The following ENPP2 variants were observed in gnomAD, a reference collection of about 807,000 sequenced individuals.
ENPP2 encodes ectonucleotide pyrophosphatase/phosphodiesterase 2.
ENPP2 carries 51 observed loss-of-function variants against 120.2 expected under a neutral mutation model. That is an observed-to-expected ratio of 0.42 (90% CI 0.34 to 0.54). The LOEUF (loss-of-function observed/expected upper bound fraction) is 0.54, where lower values mean the gene tolerates loss of function less well. ENPP2 is among the 20% of genes least tolerant of loss of function. ENPP2 has a pLI of 0.04. For synonymous variants in ENPP2, 365 were observed against 366.4 expected, an observed-to-expected ratio of 1.00 and a Z score of 0.04; for missense variants, 920 against 1,066.5, an observed-to-expected ratio of 0.86 and a Z score of 1.91.
intron 19 of ENPP2, among the ~76,000 whole-genome samples, chr8:119,576,963 C>A (rs1019723593): frequency 2.0e-5 from 3 of 152,144 alleles, no homozygotes; most frequent in Admixed American, 2.0e-4. Context: ...ATATTTATAG[C>A]AAAATATTGC....
chr8:119,592,621 T>G (rs1813602634), intron 12 of ENPP2, among the ~76,000 whole-genome samples: 1 of 135,744 alleles, frequency 7.4e-6, no homozygotes, highest in African/African-American at 2.9e-5. Flanking sequence ...CACATATCAT[T>G]GGGACCCTTC....
rs1274999175 is a variant in ENPP2, at chr8:119,583,889, C to G, written c.1455+73G>C. 3 of 1,373,590 alleles carry G rather than the reference C, an allele frequency of 2.2e-6. No individual in the cohort carries two copies. In the Admixed American group the frequency reaches 5.1e-5, roughly 23 times the overall value. 85.1% of individuals were successfully genotyped at this position (1,373,590 alleles called of 1,614,324 possible). A position where few individuals can be genotyped will look rare whatever the true frequency, so the allele number is the denominator to read the frequency against. On this transcript the variant is annotated intron_variant, in intron 16 of 24. Coordinates refer to ENST00000075322, the MANE Select transcript of ENPP2 (RefSeq NM_001040092.3). ...TATTTATGAATACTGTACAACTTCA[C>G]TCACACCACCATTACTTATCCTTTC...
At chr8:119,651,372 GACATTT>G (rs1817621401) in intron 1 of ENPP2, among the ~76,000 whole-genome samples, 1 of 152,184 alleles carries the variant, frequency 6.6e-6, no homozygotes, top group South Asian at 2.1e-4. Context: ...ACCTACTGGG[GACATTT>G]ACATAGTGCA....
intron 19 of ENPP2, among the ~76,000 whole-genome samples, chr8:119,574,715 C>G (rs564531313): frequency 2.0e-4 from 30 of 152,118 alleles, no homozygotes; most frequent in Admixed American, 1.4e-3. Flanking sequence ...GAAAATCTCT[C>G]CTCTTTTTTG....
At chr8:119,572,743 T>G (rs7012314) in intron 19 of ENPP2, 19,721 of 156,684 alleles carry the variant, frequency 0.13, 1,369 homozygotes, top group South Asian at 0.18. Flanking sequence ...ATGGAGGTAC[T>G]GGGCAAAGAT....
intron 1 of ENPP2, among the ~76,000 whole-genome samples, chr8:119,673,091 T>G (rs563838452): frequency 6.6e-6 from 1 of 152,224 alleles, no homozygotes; most frequent in Non-Finnish European, 1.5e-5. Context: ...TTTGCGCGCC[T>G]GCAAATTGCT....
rs369796903 is a variant in ENPP2, at chr8:119,593,785, G to A, written c.1048C>T (p.Arg350Trp). 3.8e-5 allele frequency: 62 copies of A among 1,612,140 alleles called. No individual in the cohort carries two copies. The highest frequency in any genetic ancestry group is 1.8e-4 in the South Asian group (16 of 91,036). The change falls in exon 12 of 25, where the codon CGG becomes TGG. Residue 350 changes from arginine to tryptophan, a missense_variant. Transcript: ENST00000075322. ...CCGACAAAGATGACGTTGACACACC[G>A]ATGCAGTTTTAGTTGTTTCAGTCCA... ...MDGLKQLKLH[R>W]CVNVIFVGDH...
intron 1 of ENPP2, among the ~76,000 whole-genome samples, chr8:119,645,320 C>A (rs1817411001): frequency 1.3e-5 from 2 of 152,224 alleles, no homozygotes; most frequent in Admixed American, 1.3e-4. Flanking sequence ...AATTTCATTT[C>A]TTTTCAGGAA....
chr8:119,617,361 A>C, intron 6 of ENPP2, 105 bp downstream of exon 6: 1 of 1,149,806 alleles, frequency 8.7e-7, no homozygotes, highest in Non-Finnish European at 1.3e-6. Context: ...AAATAATAAA[A>C]CACATTTAAA....
intron 13 of ENPP2, among the ~76,000 whole-genome samples, chr8:119,587,806 G>A (rs1481419133): frequency 6.6e-6 from 1 of 152,140 alleles, no homozygotes; most frequent in Admixed American, 6.5e-5. Flanking sequence ...TAGGTTGCTT[G>A]GATTTTGTTT....
rs1813585778 is a variant in ENPP2, at chr8:119,557,803, C to A, written c.2422-112G>T. 6 of 831,964 alleles carry A rather than the reference C, an allele frequency of 7.2e-6. No homozygotes were observed. In the East Asian group the frequency reaches 1.4e-4, roughly 19 times the overall value. 51.5% of individuals were successfully genotyped at this position (831,964 alleles called of 1,614,324 possible). A position where few individuals can be genotyped will look rare whatever the true frequency, so the allele number is the denominator to read the frequency against. ...CCTCTGTGCACTCTTGCACACAGAG[C>A]CAACGCATGTTGATCCTTCCTGGCC... On this transcript the variant is annotated intron_variant, in intron 24 of 24. Transcript: ENST00000075322.
At chr8:119,633,630 A>G (rs1816816052) in intron 2 of ENPP2, among the ~76,000 whole-genome samples, 1 of 151,902 alleles carries the variant, frequency 6.6e-6, no homozygotes, top group South Asian at 2.1e-4. Flanking sequence ...CTTTCTGGTC[A>G]TACTTTTTTC....
intron 21 of ENPP2, among the ~76,000 whole-genome samples, 189 bp downstream of exon 21, chr8:119,569,046 G>A (rs1814731504): frequency 6.6e-6 from 1 of 152,140 alleles, no homozygotes. Flanking sequence ...GAATTCCCCT[G>A]GAGAATTAGA....
At chr8:119,638,715 A>T (rs1217368101) in intron 1 of ENPP2, 33 bp downstream of exon 1, 1 of 1,301,078 alleles carries the variant, frequency 7.7e-7, no homozygotes, top group Non-Finnish European at 1.1e-6. Flanking sequence ...CTGAAGATCA[A>T]GCATGTCCCC....
intron 9 of ENPP2, among the ~76,000 whole-genome samples, chr8:119,602,913 G>A (rs185743624): frequency 3.9e-5 from 6 of 152,212 alleles, no homozygotes; most frequent in Admixed American, 1.3e-4. Flanking sequence ...TCCTCAAGCC[G>A]GGGCTCTCAT....
upstream of ENPP2, among the ~76,000 whole-genome samples, chr8:119,640,730 TG>T (rs1176334546): frequency 6.6e-6 from 1 of 152,098 alleles, no homozygotes; most frequent in Non-Finnish European, 1.5e-5. Context: ...ACTATTTCTT[TG>T]TTTTTTTGTT....
chr8:119,561,526 A>G (rs1587313568), intron 24 of ENPP2, among the ~76,000 whole-genome samples: 1 of 152,186 alleles, frequency 6.6e-6, no homozygotes, highest in Non-Finnish European at 1.5e-5. Context: ...CAAACTTTCC[A>G]TCAAATTAAA....
At chr8:119,568,384 T>G (rs1231442183) in intron 21 of ENPP2, 132 bp from the exon 22 acceptor site, 1 of 631,258 alleles carries the variant, frequency 1.6e-6, no homozygotes, top group African/African-American at 1.8e-5. Flanking sequence ...ACTCTTTTAT[T>G]CCTACTCCTA....
intron 19 of ENPP2, among the ~76,000 whole-genome samples, chr8:119,574,686 G>C (rs564052931): frequency 6.6e-5 from 10 of 152,080 alleles, no homozygotes; most frequent in Non-Finnish European, 1.0e-4. Context: ...AGATGAGCAG[G>C]CTGTCTTGAG....
Sources: gnomAD v4.1 joint callset for allele counts (sites outside exome capture counted in the v4.1 genomes callset) on GRCh38, gnomAD v4.1.1 for gene constraint, MANE v1.5 for transcripts, NCBI Gene and HGNC (gene_info 2026-07-23, HGNC 2026-07-21) for gene names.